RUNX1: variants seen among roughly 807,000 people sequenced by gnomAD.
RUNX1 encodes runt-related transcription factor 1.
Under a neutral mutation model 42.8 loss-of-function variants are expected in RUNX1, and 19 were observed. The ratio of observed to expected loss-of-function variants is 0.44; its 90% CI spans 0.31 to 0.65. The LOEUF (loss-of-function observed/expected upper bound fraction) is 0.65. RUNX1 is among the 30% of genes least tolerant of loss of function. The pLI, the probability that RUNX1 is intolerant of heterozygous loss-of-function variation, is 0.07. For synonymous variants in RUNX1, 271 were observed against 289.4 expected (o/e 0.94, Z 0.64); for missense variants, 528 against 672.0 (o/e 0.79, Z 2.37).
At chr21:34,803,864 A>C (rs1569012130) in intron 7 of RUNX1, among the ~76,000 whole-genome samples, 1 of 152,208 alleles carries the variant, frequency 6.6e-6, no homozygotes, top group Non-Finnish European at 1.5e-5. Context: ...TTGATGCAGC[A>C]ATATTAAAAT....
rs1232003235 is a variant in RUNX1, at chr21:34,790,256, T to C, written c.*1879A>G. ...ATATATAAGAAAACTCAAAAACAAGTTGTTTTAAATAAGTCCAGCTGTTTT... is the reference window on the plus strand; with the variant it reads ...ATATATAAGAAAACTCAAAAACAAGCTGTTTTAAATAAGTCCAGCTGTTTT... On this transcript the variant is annotated 3_prime_UTR_variant, in exon 9 of 9. Coordinates refer to ENST00000675419, the MANE Select transcript of RUNX1 (RefSeq NM_001754.5). 8.6e-6 allele frequency: 2 copies of C among 233,288 alleles called. No individual in the cohort carries two copies. The highest frequency in any genetic ancestry group is 1.7e-5 in the Non-Finnish European group (2 of 117,900). 14.5% of individuals were successfully genotyped at this position (233,288 alleles called of 1,614,324 possible). A position where few individuals can be genotyped will look rare whatever the true frequency, so the allele number is the denominator to read the frequency against.
In RUNX1 at chr21:34,989,506, C is replaced by G. The variant is rs182851285; in HGVS notation, c.58+59336G>C. On this transcript the variant is annotated intron_variant, in intron 2 of 8. Transcript: ENST00000675419. ...GGAAGTTACTTTTGGAAGCCAGGGT[C>G]TTTCCCAGGCTTCTGAAATCATCCC... Among the ~76,000 whole-genome samples, 17 of 152,184 alleles carry G rather than the reference C, an allele frequency of 1.1e-4. No individual in the cohort carries two copies. In the East Asian group the frequency reaches 3.3e-3, roughly 29 times the overall value.
intron 2 of RUNX1, among the ~76,000 whole-genome samples, chr21:35,046,416 C>T (rs760169879): frequency 6.6e-6 from 1 of 152,196 alleles, no homozygotes. Flanking sequence ...AGGAAGAAAA[C>T]AAAGATGCTG....
chr21:34,889,830 C>T (rs1364900376), intron 3 of RUNX1: 5 of 1,113,136 alleles, frequency 4.5e-6, no homozygotes, highest in Middle Eastern at 2.8e-4. Context: ...GGAGGCTGCT[C>T]CCGTCACCAT....
intron 3 of RUNX1, chr21:34,887,454 G>A: frequency 2.3e-6 from 3 of 1,284,888 alleles, no homozygotes; most frequent in Non-Finnish European, 3.0e-6. Context: ...GTTCCTGAAG[G>A]CAAAATTCTC....
intron 2 of RUNX1, among the ~76,000 whole-genome samples, chr21:35,037,924 C>CTTT (rs35525288): frequency 1.9e-4 from 28 of 146,544 alleles, no homozygotes; most frequent in Admixed American, 4.7e-4. Flanking sequence ...GCAGACATTT[C>CTTT]TTTTTTTTTT....
intron 7 of RUNX1, among the ~76,000 whole-genome samples, chr21:34,811,837 G>A (rs2056762777): frequency 1.3e-5 from 2 of 152,004 alleles, no homozygotes; most frequent in South Asian, 4.2e-4. Context: ...CCTAAACACA[G>A]TGTCCTGCAG....
chr21:34,946,782 C>A (rs1016213617), intron 2 of RUNX1, among the ~76,000 whole-genome samples: 23 of 152,124 alleles, frequency 1.5e-4, no homozygotes, highest in African/African-American at 5.6e-4. Flanking sequence ...TGGGCTGTGA[C>A]ATTTTGGCTT....
chr21:34,859,441 G>C (rs755684122), intron 6 of RUNX1, 33 bp downstream of exon 6: 1 of 1,436,578 alleles, frequency 7.0e-7, no homozygotes, highest in Non-Finnish European at 9.8e-7. Context: ...TACCAGCCTG[G>C]AGGGTGTACC....
At chr21:34,870,972 C>CA (rs891061574) in intron 5 of RUNX1, among the ~76,000 whole-genome samples, 2 of 151,732 alleles carry the variant, frequency 1.3e-5, no homozygotes, top group African/African-American at 4.8e-5. Context: ...AAAACAAAAA[C>CA]AAAAAAACAA....
At chr21:34,883,964 G>T (rs776149848) in intron 4 of RUNX1, among the ~76,000 whole-genome samples, 15 of 152,202 alleles carry the variant, frequency 9.9e-5, no homozygotes, top group Non-Finnish European at 2.1e-4. Flanking sequence ...TTTATGAAAA[G>T]AATATTACCA....
At chr21:34,924,588 C>A (rs185623277) in intron 2 of RUNX1, among the ~76,000 whole-genome samples, 1 of 152,238 alleles carries the variant, frequency 6.6e-6, no homozygotes, top group Non-Finnish European at 1.5e-5. Context: ...GACTCCTATG[C>A]GGTTTAGTAT....
chr21:34,887,331 T>C, intron 3 of RUNX1: 2 of 1,448,226 alleles, frequency 1.4e-6, no homozygotes, highest in Non-Finnish European at 1.8e-6. Context: ...CGGATCGGCC[T>C]CTGACCCAGG....
intron 2 of RUNX1, among the ~76,000 whole-genome samples, chr21:34,910,575 G>A (rs1054913860): frequency 6.6e-6 from 1 of 152,096 alleles, no homozygotes; most frequent in African/African-American, 2.4e-5. Context: ...CTCTTCCCCA[G>A]TGAAACCCTG....
In RUNX1 at chr21:34,790,103, T is replaced by C. The variant is rs1285501338; in HGVS notation, c.*2032A>G. ...ATCCTGTCAAAAATGAAAGTGAATATATTCTGAGTTTGTCCGAGATCTGCT... is the reference window on the plus strand; with the variant it reads ...ATCCTGTCAAAAATGAAAGTGAATACATTCTGAGTTTGTCCGAGATCTGCT... On this transcript the variant is annotated 3_prime_UTR_variant, in exon 9 of 9. Coordinates refer to ENST00000675419, the MANE Select transcript of RUNX1 (RefSeq NM_001754.5). 4.3e-6 allele frequency: 1 copy of C among 233,204 alleles called. No individual in the cohort carries two copies. Among genetic ancestry groups the C allele is most frequent in the East Asian group, 6.1e-5 (1 of 16,474 alleles). The allele number at this position is 233,204 out of a possible 1,614,324, so 14.4% of individuals were successfully genotyped here.
intron 2 of RUNX1, among the ~76,000 whole-genome samples, chr21:34,968,429 C>T (rs2058736381): frequency 6.6e-6 from 1 of 152,112 alleles, no homozygotes; most frequent in South Asian, 2.1e-4. Context: ...GGTGGGGCAG[C>T]CAGCACGGAA....
chr21:34,862,936 A>G (rs914741770), intron 5 of RUNX1, among the ~76,000 whole-genome samples: 17 of 152,160 alleles, frequency 1.1e-4, no homozygotes, highest in African/African-American at 3.9e-4. Context: ...TCCTACCACC[A>G]CGCTATCCAC....
At position 34,889,868 on chromosome 21, in the gene RUNX1, C is replaced by T. The variant is rs1035293030; in HGVS notation, c.98-2772G>A. ...GTCCCTCCACGCCCTCCCTGCCGGG[C>T]CCTGCACCTCCCGGGGCCTCTCATC... On this transcript the variant is annotated intron_variant, in intron 3 of 8. Transcript: ENST00000675419. The T allele has an allele frequency of 2.3e-5, 25 of 1,080,074 alleles. No homozygotes were observed. In the African/African-American group the frequency reaches 3.5e-4, roughly 15 times the overall value. The allele number at this position is 1,080,074 out of a possible 1,614,324, so 66.9% of individuals were successfully genotyped here.
intron 2 of RUNX1, among the ~76,000 whole-genome samples, chr21:34,976,970 C>T (rs2058806733): frequency 6.6e-6 from 1 of 152,112 alleles, no homozygotes; most frequent in Admixed American, 6.5e-5. Flanking sequence ...TCCAAATTAC[C>T]TCACTCAAAC....
Sources: allele counts gnomAD v4.1 joint callset (sites outside exome capture counted in the v4.1 genomes callset), GRCh38; gene constraint gnomAD v4.1.1; transcripts MANE v1.5; gene names NCBI Gene and HGNC (gene_info 2026-07-23, HGNC 2026-07-21).